The following RHPN2 variants were observed in gnomAD, a reference collection of about 807,000 sequenced individuals.
RHPN2 encodes rhophilin-2.
Under a neutral mutation model 79.0 loss-of-function variants are expected in RHPN2, and 40 were observed. The ratio of observed to expected loss-of-function variants is 0.51; its 90% CI spans 0.39 to 0.66. The LOEUF (loss-of-function observed/expected upper bound fraction) is 0.66. RHPN2 is among the 30% of genes least tolerant of loss of function. RHPN2 has a pLI of 0.00. For missense variants in RHPN2, 686 were observed against 883.5 expected (o/e 0.78, Z 2.83); for synonymous variants, 285 against 363.5 (o/e 0.78, Z 2.46).
At chr19:33,030,720 T>C (rs1972004303) in intron 2 of RHPN2, among the ~76,000 whole-genome samples, 1 of 152,202 alleles carries the variant, frequency 6.6e-6, no homozygotes, top group African/African-American at 2.4e-5. Context: ...CATAGTCTAG[T>C]CTACTCTAAT....
rs763169305 is a variant in RHPN2 at position 32,980,182 on chromosome 19, G to A, written c.1875C>T (p.Asp625=). 28 of 1,613,870 alleles carry A rather than the reference G, an allele frequency of 1.7e-5. No homozygotes were observed. The highest frequency in any genetic ancestry group is 1.2e-4 in the Admixed American group (7 of 59,978). The change falls in exon 15 of 15, where the codon GAC becomes GAT. Residue 625 remains aspartate, a synonymous_variant. Coordinates refer to ENST00000254260, the MANE Select transcript of RHPN2 (RefSeq NM_033103.5). ...YSMICLAIDD[D]DKTDKTKKIS... ...TTTTCTTGGTTTTATCAGTTTTGTC[G>A]TCATCATCAATGGCTAAGCAGATCA...
chr19:33,029,556 C>A (rs1402342128), intron 2 of RHPN2, among the ~76,000 whole-genome samples: 3 of 150,906 alleles, frequency 2.0e-5, no homozygotes, highest in Non-Finnish European at 3.0e-5. Context: ...GAAGAAGAGT[C>A]CAGGAATAAA....
chr19:33,008,629 G>C (rs181250797), intron 6 of RHPN2, among the ~76,000 whole-genome samples: 313 of 152,158 alleles, frequency 2.1e-3, no homozygotes, highest in African/African-American at 7.2e-3. Context: ...AATTAGCCAG[G>C]CATGGTGGCG....
At chr19:32,980,842 T>C (rs1336676374) in intron 14 of RHPN2, among the ~76,000 whole-genome samples, 1 of 151,952 alleles carries the variant, frequency 6.6e-6, no homozygotes, top group Non-Finnish European at 1.5e-5. Flanking sequence ...GTTTGTTTTT[T>C]GTTTTTGTTT....
chr19:33,034,195 A>T (rs1972035790), intron 2 of RHPN2, among the ~76,000 whole-genome samples: 1 of 142,204 alleles, frequency 7.0e-6, no homozygotes, highest in Admixed American at 6.9e-5. Context: ...CCACAAGGCC[A>T]GGCGCGGTGG....
chr19:32,989,462 A>G (rs760853978), intron 14 of RHPN2, among the ~76,000 whole-genome samples: 1 of 152,110 alleles, frequency 6.6e-6, no homozygotes, highest in Non-Finnish European at 1.5e-5. Flanking sequence ...AAGACACTCA[A>G]ATGCTTCCCA....
Position 32,980,053 on chromosome 19 carries a change from G to C in RHPN2, c.2004C>G (p.Val668=). The C allele has an allele frequency of 6.2e-7, 1 of 1,613,886 alleles. No homozygotes were observed. Among genetic ancestry groups the C allele is most frequent in the African/African-American group, 1.3e-5 (1 of 75,014 alleles). The change falls in exon 15 of 15, where the codon GTC becomes GTG. Residue 668 remains valine (V), a synonymous_variant. Transcript: ENST00000254260. The part of the protein sequence containing the change: ...LPSVGAARPQ[V]KKKLPSPFSL... ...TGAAAGGGGAGGGCAGCTTCTTCTT[G>C]ACCTGAGGCCGTGCAGCCCCGACCG...
chr19:32,993,964 G>C lies in RHPN2; in HGVS notation c.1497+13C>G, dbSNP rs761911707. Reference sequence around the variant, plus strand: ...CCCTTAGGTCATTTGAATGTAGAGAGCATTCAACATACCAGCTTCTGGAAG... The same window carrying C: ...CCCTTAGGTCATTTGAATGTAGAGACCATTCAACATACCAGCTTCTGGAAG... On this transcript the variant is annotated intron_variant, in intron 12 of 14. Transcript: ENST00000254260. The C allele has an allele frequency of 1.3e-6, 2 of 1,585,518 alleles. No individual in the cohort carries two copies. Among genetic ancestry groups the C allele is most frequent in the Admixed American group, 1.7e-5 (1 of 59,958 alleles).
intron 1 of RHPN2, among the ~76,000 whole-genome samples, chr19:33,061,282 G>GCAAT (rs1252952805): frequency 6.9e-6 from 1 of 144,090 alleles, no homozygotes; most frequent in Non-Finnish European, 1.5e-5. Flanking sequence ...AGGCAGTGGC[G>GCAAT]CAATCTCGGC....
chr19:33,031,085 G>A (rs749785186), intron 2 of RHPN2, among the ~76,000 whole-genome samples: 5 of 152,106 alleles, frequency 3.3e-5, no homozygotes, highest in Admixed American at 2.0e-4. Flanking sequence ...ATTGGAAGAG[G>A]TGTACACGGC....
chr19:33,057,879 G>A (rs1005982555), intron 1 of RHPN2, among the ~76,000 whole-genome samples: 6 of 151,920 alleles, frequency 3.9e-5, no homozygotes, highest in Non-Finnish European at 8.8e-5. Flanking sequence ...GGACTCCTGG[G>A]CTCGGCGCAG....
chr19:32,990,145 G>GAAAGAAAGAAAA (rs1971644686), intron 14 of RHPN2, among the ~76,000 whole-genome samples: 3 of 151,120 alleles, frequency 2.0e-5, no homozygotes, highest in East Asian at 2.0e-4. Context: ...AATAAAGAAA[G>GAAAGAAAGAAAA]AAAGAAAGAA....
Position 33,049,577 on chromosome 19 carries a change from C to G in RHPN2, c.70-5213G>C, listed in dbSNP as rs939404361. On this transcript the variant is annotated intron_variant, in intron 1 of 14. Coordinates refer to ENST00000254260, the MANE Select transcript of RHPN2 (RefSeq NM_033103.5). The stretch of plus-strand genomic sequence containing the variant: ...TTCTACAGTGAAGTGAGACTTTCTC[C>G]TCCACAGAGTCTATTCCCTTCCCAC... 7.9e-5 allele frequency among the ~76,000 whole-genome samples: 12 copies of G among 152,324 alleles called. No individual in the cohort carries two copies. The South Asian group carries it at 2.1e-3, about 26-fold the overall frequency.
intron 9 of RHPN2, among the ~76,000 whole-genome samples, chr19:33,001,040 G>A (rs1343528990): frequency 2.6e-5 from 4 of 152,080 alleles, no homozygotes; most frequent in African/African-American, 9.7e-5. Context: ...CTTCGTTTTC[G>A]TTTTCATGAC....
In RHPN2 at chr19:32,983,632, T is replaced by C. The variant is rs925886022; in HGVS notation, c.1801-3376A>G. On this transcript the variant is annotated intron_variant, in intron 14 of 14. Coordinates refer to ENST00000254260, the MANE Select transcript of RHPN2 (RefSeq NM_033103.5). ...ACCACTACTTTCTTTTAAAAGCCTT[T>C]TTTTTTTTTTTTTTTTGAGACGGAG... Among the ~76,000 whole-genome samples the C allele has an allele frequency of 8.1e-4, 117 of 145,332 alleles. 1 individual carries two copies. Among genetic ancestry groups the C allele is most frequent in the African/African-American group, 2.8e-3 (108 of 39,002 alleles).
intron 2 of RHPN2, among the ~76,000 whole-genome samples, chr19:33,042,562 A>AT (rs1355454532): frequency 6.6e-6 from 1 of 152,202 alleles, no homozygotes; most frequent in Non-Finnish European, 1.5e-5. Context: ...ACCCAGTTGC[A>AT]AAAGGAGCTG....
rs959667835 is a variant in RHPN2 at position 33,002,950 on chromosome 19, T to C, written c.811A>G (p.Met271Val). The change falls in exon 8 of 15, where the codon ATG (methionine) becomes GTG (valine). Residue 271 changes from methionine (M) to valine (V), a missense_variant. Physicochemically the swap from Met to Val is conservative, Grantham distance 21 (BLOSUM62 1). Coordinates refer to ENST00000254260, the MANE Select transcript of RHPN2 (RefSeq NM_033103.5). ...AGCACGCTGAGCATGGCAGGGCTCA[T>C]GTCGTAACTTGGAGTATGGGTAAAT... The part of the protein sequence containing the change: ...DTFTHTPSYD[M>V]SPAMLSVLVK... The C allele has an allele frequency of 1.2e-6, 2 of 1,613,980 alleles. No homozygotes were observed. The highest frequency in any genetic ancestry group is 1.1e-5 in the South Asian group (1 of 91,080).
rs547143946 is a variant in RHPN2 at position 33,040,751 on chromosome 19, TCCAGA to T, written c.185+3493_185+3497del. On this transcript the variant is annotated intron_variant, in intron 2 of 14. Coordinates refer to ENST00000254260, the MANE Select transcript of RHPN2 (RefSeq NM_033103.5). Reference sequence around the variant, plus strand: ...AGGCAGATCACCTGAGGTCAGGAGTTCCAGACCAGCCTGGCCAACACCGTGAAACC... The same window carrying T: ...AGGCAGATCACCTGAGGTCAGGAGTTCCAGCCTGGCCAACACCGTGAAACC... 3.3e-5 allele frequency among the ~76,000 whole-genome samples: 5 copies of T among 151,852 alleles called. No individual in the cohort carries two copies. The South Asian group carries it at 1.1e-3, about 32-fold the overall frequency.
intron 7 of RHPN2, among the ~76,000 whole-genome samples, chr19:33,006,337 C>T (rs947439417): frequency 6.6e-6 from 1 of 152,126 alleles, no homozygotes; most frequent in African/African-American, 2.4e-5. Context: ...GCTGGAACTA[C>T]GGGCATACAC....
Sources: allele counts gnomAD v4.1 joint callset (sites outside exome capture counted in the v4.1 genomes callset), GRCh38; gene constraint gnomAD v4.1.1; transcripts MANE v1.5; gene names NCBI Gene and HGNC (gene_info 2026-07-23, HGNC 2026-07-21).